Variants in PIK3C2G observed in about 807,000 individuals in gnomAD.
The protein encoded by PIK3C2G is phosphatidylinositol-4-phosphate 3-kinase catalytic subunit type 2 gamma.
PIK3C2G carries 168 observed loss-of-function variants against 181.1 expected under a neutral mutation model. The ratio of observed to expected loss-of-function variants is 0.93; its 90% CI spans 0.82 to 1.05. PIK3C2G has a LOEUF of 1.05. Among genes scored for constraint, PIK3C2G ranks in the 50% least tolerant of loss-of-function variants. The pLI is 0.00. For synonymous variants in PIK3C2G, 573 were observed against 592.2 expected (o/e 0.97, Z 0.47); for missense variants, 1,869 against 1,732.8 (o/e 1.08, Z -1.40).
At chr12:18,518,264 A>G (rs1400029854) in intron 24 of PIK3C2G, among the ~76,000 whole-genome samples, 1 of 152,154 alleles carries the variant, frequency 6.6e-6, no homozygotes, top group Non-Finnish European at 1.5e-5. Flanking sequence ...TGAGTTAGGG[A>G]GAAGTCCCAC....
intron 14 of PIK3C2G, 42 bp from the exon 15 acceptor site, chr12:18,391,080 G>A (rs763118346): frequency 1.8e-5 from 27 of 1,494,270 alleles, no homozygotes; most frequent in Middle Eastern, 3.6e-4. Context: ...AATGTATTTT[G>A]AGACACCTTC....
the PIK3C2G span, among the ~76,000 whole-genome samples, chr12:18,717,526 T>C: frequency 1.3e-5 from 2 of 152,196 alleles, no homozygotes; most frequent in East Asian, 3.8e-4. Context: ...GTTTTTCCAG[T>C]CTGATAACTT....
At chr12:18,627,570 A>C (rs1343814770) in intron 31 of PIK3C2G, among the ~76,000 whole-genome samples, 1 of 152,168 alleles carries the variant, frequency 6.6e-6, no homozygotes, top group Admixed American at 6.6e-5. Flanking sequence ...GTAAGGAGAT[A>C]TAAGTAGGTG....
intron 24 of PIK3C2G, among the ~76,000 whole-genome samples, chr12:18,527,974 T>C (rs1943333776): frequency 6.6e-6 from 1 of 152,072 alleles, no homozygotes; most frequent in Non-Finnish European, 1.5e-5. Context: ...AAAAAAATTG[T>C]TTTACACTTA....
chr12:18,410,756 CA>C (rs1397633720), intron 16 of PIK3C2G, among the ~76,000 whole-genome samples: 4 of 152,090 alleles, frequency 2.6e-5, no homozygotes, highest in Non-Finnish European at 5.9e-5. Flanking sequence ...CTATCCTTTT[CA>C]GTGCATCATG....
At chr12:18,696,262 A>G in the PIK3C2G span, 6 of 1,511,530 alleles carry the variant, frequency 4.0e-6, no homozygotes, top group Admixed American at 1.7e-5. Context: ...AAATAAACTC[A>G]TGGACTGAAA....
At chr12:18,542,095 A>G (rs1486288986) in intron 25 of PIK3C2G, among the ~76,000 whole-genome samples, 3 of 151,774 alleles carry the variant, frequency 2.0e-5, no homozygotes, top group Non-Finnish European at 4.4e-5. Flanking sequence ...TGTTTGATAG[A>G]GTTCTAACCA....
chr12:18,315,341 G>A (rs1421656987), intron 6 of PIK3C2G, among the ~76,000 whole-genome samples: 1 of 152,004 alleles, frequency 6.6e-6, no homozygotes, highest in Non-Finnish European at 1.5e-5. Flanking sequence ...ATGTTATAAA[G>A]TGCAACTGAC....
chr12:18,464,537 A>G (rs75072612), intron 18 of PIK3C2G, among the ~76,000 whole-genome samples: 6,600 of 152,180 alleles, frequency 0.043, 490 homozygotes, highest in African/African-American at 0.15. Context: ...GACAACTCCT[A>G]TATGACCTAT....
chr12:18,546,688 T>C (rs1048226681), intron 26 of PIK3C2G, among the ~76,000 whole-genome samples: 8 of 152,026 alleles, frequency 5.3e-5, no homozygotes, highest in African/African-American at 1.9e-4. Flanking sequence ...TAAGAGGTCA[T>C]TGAAAAGAGC....
At chr12:18,346,150 A>G (rs916223492) in intron 10 of PIK3C2G, among the ~76,000 whole-genome samples, 2 of 152,122 alleles carry the variant, frequency 1.3e-5, no homozygotes, top group Non-Finnish European at 2.9e-5. Context: ...GCCTTGTACT[A>G]TTTTCATTCT....
intron 18 of PIK3C2G, among the ~76,000 whole-genome samples, chr12:18,431,340 C>T (rs1946148733): frequency 6.6e-6 from 1 of 152,126 alleles, no homozygotes; most frequent in East Asian, 1.9e-4. Flanking sequence ...CAGGGGCTAA[C>T]ATTAGCATCC....
intron 1 of PIK3C2G, among the ~76,000 whole-genome samples, chr12:18,273,175 A>G (rs1948818597): frequency 1.3e-5 from 2 of 152,206 alleles, no homozygotes; most frequent in African/African-American, 4.8e-5. Context: ...ATTAACAAAA[A>G]GAGTTTTCTT....
intron 24 of PIK3C2G, among the ~76,000 whole-genome samples, chr12:18,520,696 C>G (rs879894460): frequency 6.6e-6 from 1 of 152,108 alleles, no homozygotes; most frequent in African/African-American, 2.4e-5. Flanking sequence ...CTATTACCCC[C>G]CTTCTGAAGC....
chr12:18,512,329 G>C (rs546180952), intron 24 of PIK3C2G, among the ~76,000 whole-genome samples: 1 of 151,404 alleles, frequency 6.6e-6, no homozygotes, highest in Admixed American at 6.6e-5. Context: ...AGGATTGTTT[G>C]TCCATTTGTG....
downstream of PIK3C2G, among the ~76,000 whole-genome samples, chr12:18,651,295 C>T (rs1215417896): frequency 1.3e-5 from 2 of 152,044 alleles, no homozygotes; most frequent in Admixed American, 6.6e-5. Flanking sequence ...CAGATGTCTC[C>T]GTCTCTGCCC....
intron 29 of PIK3C2G, among the ~76,000 whole-genome samples, chr12:18,580,971 GA>G (rs1946469894): frequency 6.6e-6 from 1 of 152,142 alleles, no homozygotes; most frequent in African/African-American, 2.4e-5. Flanking sequence ...TTTAGAGAAA[GA>G]AAAAATTGAT....
chr12:18,451,208 G>T (rs1033323234), intron 18 of PIK3C2G, among the ~76,000 whole-genome samples: 2 of 152,176 alleles, frequency 1.3e-5, no homozygotes, highest in African/African-American at 4.8e-5. Context: ...CTATCCATGA[G>T]CATGGAATTT....
chr12:18,425,423 C>G (rs1307105167), intron 18 of PIK3C2G, among the ~76,000 whole-genome samples: 1 of 113,190 alleles, frequency 8.8e-6, no homozygotes, highest in Non-Finnish European at 1.7e-5. Flanking sequence ...GTCGGAGTCT[C>G]ACTTTGTCAC....
Sources: gnomAD v4.1 joint callset for allele counts (sites outside exome capture counted in the v4.1 genomes callset) on GRCh38, gnomAD v4.1.1 for gene constraint, MANE v1.5 for transcripts, NCBI Gene and HGNC (gene_info 2026-07-23, HGNC 2026-07-21) for gene names.